Variants in FERMT2 observed in about 807,000 individuals in gnomAD.
FERMT2 encodes the protein FERM domain containing kindlin 2.
In FERMT2, 15 loss-of-function variants were observed where a neutral mutation model predicts 82.7. That is an observed-to-expected ratio of 0.18 (90% CI 0.12 to 0.28). The LOEUF (loss-of-function observed/expected upper bound fraction) is 0.28, where lower values mean the gene tolerates loss of function less well. FERMT2 is among the 10% of genes least tolerant of loss of function. The pLI, the probability that FERMT2 is intolerant of heterozygous loss-of-function variation, is 1.00. For synonymous variants in FERMT2, 274 were observed against 271.5 expected (o/e 1.01, Z -0.09); for missense variants, 645 against 809.4 (o/e 0.80, Z 2.46).
chr14:52,860,706 G>C lies in FERMT2; in HGVS notation c.1603-241C>G. On this transcript the variant is annotated intron_variant, in intron 12 of 14. Coordinates refer to ENST00000341590, the MANE Select transcript of FERMT2 (RefSeq NM_006832.3). ...CAAAAAGTACTATTAGGAGTACATA[G>C]TTGCCACACTTGAGACATATTCCAA... is the stretch of plus-strand genomic sequence containing the variant. The C allele has an allele frequency of 7.1e-6, 4 of 560,488 alleles. No individual in the cohort carries two copies. In the South Asian group the frequency reaches 9.6e-5, roughly 13 times the overall value. The allele number at this position is 560,488 out of a possible 1,614,324, so 34.7% of individuals were successfully genotyped here.
chr14:52,864,891 C>G (rs1248153648), intron 10 of FERMT2, 38 bp from the exon 11 acceptor site: 8 of 1,190,042 alleles, frequency 6.7e-6, no homozygotes, highest in Non-Finnish European at 9.9e-6. Flanking sequence ...GCTAAATTTA[C>G]TTTTAAGAAA....
At chr14:52,894,849 A>G (rs1887162046) in intron 3 of FERMT2, among the ~76,000 whole-genome samples, 1 of 150,342 alleles carries the variant, frequency 6.7e-6, no homozygotes, top group Admixed American at 6.7e-5. Context: ...AGGACACACA[A>G]AAAAGGAACC....
intron 2 of FERMT2, among the ~76,000 whole-genome samples, chr14:52,933,730 AAAAAAAAG>A (rs1432118315): frequency 1.3e-4 from 19 of 150,052 alleles, no homozygotes; most frequent in East Asian, 3.9e-4. Flanking sequence ...AAAAAAAAAA[AAAAAAAAG>A]GGAAAAGAAA....
intron 2 of FERMT2, among the ~76,000 whole-genome samples, chr14:52,945,228 TG>T (rs1890279225): frequency 6.6e-6 from 1 of 151,470 alleles, no homozygotes; most frequent in Non-Finnish European, 1.5e-5. Context: ...AATTGTTCTA[TG>T]TTTTTTTGTT....
At chr14:52,898,782 G>A (rs1345885958) in intron 3 of FERMT2, among the ~76,000 whole-genome samples, 2 of 152,164 alleles carry the variant, frequency 1.3e-5, no homozygotes, top group African/African-American at 2.4e-5. Flanking sequence ...GTACTAGTAT[G>A]TGGTGAAAAA....
At chr14:52,917,564 G>C (rs1002474770) in intron 3 of FERMT2, among the ~76,000 whole-genome samples, 6 of 151,960 alleles carry the variant, frequency 3.9e-5, no homozygotes, top group African/African-American at 9.7e-5. Context: ...AAGGGCATTA[G>C]ATCAAAAAGG....
intron 2 of FERMT2, among the ~76,000 whole-genome samples, chr14:52,939,996 A>T (rs1056318090): frequency 6.6e-6 from 1 of 152,198 alleles, no homozygotes; most frequent in Non-Finnish European, 1.5e-5. Flanking sequence ...TATCAAAAAC[A>T]TCATTACACT....
intron 13 of FERMT2, 49 bp from the exon 14 acceptor site, chr14:52,859,763 T>C (rs773647443): frequency 1.6e-5 from 19 of 1,167,604 alleles, no homozygotes; most frequent in South Asian, 1.3e-4. Flanking sequence ...TGGGGGAACA[T>C]GTTGGACTGC....
intron 4 of FERMT2, among the ~76,000 whole-genome samples, chr14:52,890,316 C>T (rs1170726690): frequency 2.7e-5 from 4 of 150,688 alleles, no homozygotes; most frequent in African/African-American, 4.9e-5. Context: ...TGGTGATGCA[C>T]GCCTGTAATC....
At chr14:52,874,715 C>G (rs1390893162) in intron 8 of FERMT2, among the ~76,000 whole-genome samples, 2 of 152,148 alleles carry the variant, frequency 1.3e-5, no homozygotes, top group Non-Finnish European at 2.9e-5. Flanking sequence ...TGTCTTCCCA[C>G]CACTTGTAAA....
At position 52,857,411 on chromosome 14, in the gene FERMT2, A is replaced by C. The variant is rs1196005436; in HGVS notation, c.*966T>G. 1 of 152,638 alleles carries C rather than the reference A, an allele frequency of 6.6e-6. No homozygotes were observed. Among genetic ancestry groups the C allele is most frequent in the Non-Finnish European group, 1.5e-5 (1 of 68,040 alleles). The allele number at this position is 152,638 out of a possible 1,614,324, so 9.5% of individuals were successfully genotyped here. A position where few individuals can be genotyped will look rare whatever the true frequency, so the allele number is the denominator to read the frequency against. ...GTGAGCTAGGAATTTTCTGACTAGCACCAATACAGATTGTAACAGCGCAAC... is the reference window on the plus strand; with the variant it reads ...GTGAGCTAGGAATTTTCTGACTAGCCCCAATACAGATTGTAACAGCGCAAC... On this transcript the variant is annotated 3_prime_UTR_variant, in exon 15 of 15. Coordinates refer to ENST00000341590, the MANE Select transcript of FERMT2 (RefSeq NM_006832.3).
At chr14:52,940,310 C>T (rs1890033973) in intron 2 of FERMT2, among the ~76,000 whole-genome samples, 1 of 152,216 alleles carries the variant, frequency 6.6e-6, no homozygotes, top group Admixed American at 6.5e-5. Context: ...TAATCATTTA[C>T]TGCTTATCTC....
chr14:52,913,392 T>C (rs1382145883), intron 3 of FERMT2, among the ~76,000 whole-genome samples: 1 of 152,176 alleles, frequency 6.6e-6, no homozygotes, highest in African/African-American at 2.4e-5. Context: ...TCTCTGTCCT[T>C]AGAAGCTAGA....
chr14:52,861,759 A>C (rs1405407735), intron 12 of FERMT2: 1 of 152,422 alleles, frequency 6.6e-6, no homozygotes, highest in East Asian at 1.9e-4. Context: ...ATTTATTTAA[A>C]AATACCCACA....
chr14:52,923,246 A>G (rs914617167), intron 2 of FERMT2, among the ~76,000 whole-genome samples: 15 of 151,928 alleles, frequency 9.9e-5, no homozygotes, highest in African/African-American at 3.6e-4. Flanking sequence ...ATAATTTTAT[A>G]TAAAGTTCAA....
At chr14:52,909,331 T>C (rs1360057810) in intron 3 of FERMT2, among the ~76,000 whole-genome samples, 1 of 152,162 alleles carries the variant, frequency 6.6e-6, no homozygotes, top group Non-Finnish European at 1.5e-5. Flanking sequence ...CTTACAATCA[T>C]GAGGCCAACC....
At chr14:52,904,101 G>C (rs1305648018) in intron 3 of FERMT2, among the ~76,000 whole-genome samples, 1 of 152,258 alleles carries the variant, frequency 6.6e-6, no homozygotes, top group Non-Finnish European at 1.5e-5. Flanking sequence ...GCCCCCAGGA[G>C]TTAGAAACCA....
At chr14:52,938,815 C>G (rs896562814) in intron 2 of FERMT2, among the ~76,000 whole-genome samples, 2 of 152,126 alleles carry the variant, frequency 1.3e-5, no homozygotes, top group Admixed American at 6.5e-5. Context: ...ATCTGCCCAT[C>G]TTGGCCTCCC....
intron 2 of FERMT2, among the ~76,000 whole-genome samples, chr14:52,921,249 C>G (rs1372896258): frequency 6.6e-6 from 1 of 152,158 alleles, no homozygotes; most frequent in Non-Finnish European, 1.5e-5. Flanking sequence ...AAAAGACTTT[C>G]AATTCTCCAG....
Sources: gnomAD v4.1 joint callset for allele counts (sites outside exome capture counted in the v4.1 genomes callset) on GRCh38, gnomAD v4.1.1 for gene constraint, MANE v1.5 for transcripts, NCBI Gene and HGNC (gene_info 2026-07-23, HGNC 2026-07-21) for gene names.